Variants in TAFA5 observed in about 807,000 individuals in gnomAD.
The protein encoded by TAFA5 is TAFA chemokine like family member 5, also known as chemokine-like protein TAFA-5.
A neutral mutation model predicts 15.3 loss-of-function variants in TAFA5; 6 were observed. The ratio of observed to expected loss-of-function variants is 0.39; its 90% CI spans 0.21 to 0.77. The LOEUF is 0.77. Ranked by LOEUF, TAFA5 falls within the 30% of genes least tolerant of loss-of-function variation. The pLI, the probability that TAFA5 is intolerant of heterozygous loss-of-function variation, is 0.41. For missense variants in TAFA5, 161 were observed against 193.1 expected, an observed-to-expected ratio of 0.83 and a Z score of 0.98; for synonymous variants, 103 against 80.7, an observed-to-expected ratio of 1.28 and a Z score of -1.48.
chr22:48,585,412 TAC>T (rs765598795), intron 1 of TAFA5, among the ~76,000 whole-genome samples: 1 of 115,038 alleles, frequency 8.7e-6, no homozygotes, highest in Admixed American at 8.8e-5. Context: ...ACACACCACA[TAC>T]ACACACACAA....
Position 48,749,294 on chromosome 22 carries a change from A to T in TAFA5, c.391-545A>T, listed in dbSNP as rs563012503. Among the ~76,000 whole-genome samples, 4 of 152,226 alleles carry T rather than the reference A, an allele frequency of 2.6e-5. No individual in the cohort carries two copies. In the South Asian group the frequency reaches 8.3e-4, roughly 32 times the overall value. ...CTCTTTCAGATCCCCATCCCCCAGT[A>T]TGTGGTCATTTGATTGGGCAGCCAC... On this transcript the variant is annotated intron_variant, in intron 3 of 3. Transcript: ENST00000402357.
At chr22:48,734,703 A>G (rs1462474374) in intron 3 of TAFA5, among the ~76,000 whole-genome samples, 1 of 152,254 alleles carries the variant, frequency 6.6e-6, no homozygotes. Context: ...TTTCTGATCC[A>G]CAGAAGAGGC....
chr22:48,669,837 C>G (rs1034486702), intron 2 of TAFA5, among the ~76,000 whole-genome samples: 2 of 152,264 alleles, frequency 1.3e-5, no homozygotes, highest in African/African-American at 4.8e-5. Flanking sequence ...TTCTGGCCCT[C>G]GCATATGAAG....
At chr22:48,524,647 A>G (rs1289180127) in intron 1 of TAFA5, among the ~76,000 whole-genome samples, 3 of 152,162 alleles carry the variant, frequency 2.0e-5, no homozygotes, top group African/African-American at 4.8e-5. Flanking sequence ...TAGTTCTCAC[A>G]CGCAGGATCC....
rs1041902636 is a variant in TAFA5 at position 48,571,056 on chromosome 22, A to G, written c.113-75541A>G. Reference sequence around the variant, plus strand: ...AGTGTAACCTAGATCAGCTTTTTCTATAAGGGATGGGACTAGTAAACTGAA... The same window carrying G: ...AGTGTAACCTAGATCAGCTTTTTCTGTAAGGGATGGGACTAGTAAACTGAA... On this transcript the variant is annotated intron_variant, in intron 1 of 3. Coordinates refer to ENST00000402357, the MANE Select transcript of TAFA5 (RefSeq NM_001082967.3). 3.9e-5 allele frequency among the ~76,000 whole-genome samples: 6 copies of G among 152,094 alleles called. No individual in the cohort carries two copies. The East Asian group carries it at 7.7e-4, about 20-fold the overall frequency.
At chr22:48,651,303 G>T (rs1490584733) in intron 2 of TAFA5, among the ~76,000 whole-genome samples, 2 of 152,206 alleles carry the variant, frequency 1.3e-5, no homozygotes, top group Non-Finnish European at 2.9e-5. Flanking sequence ...CTGCAGTCAT[G>T]GCACAGCGCA....
At chr22:48,579,764 A>G (rs1923963393) in intron 1 of TAFA5, among the ~76,000 whole-genome samples, 1 of 152,226 alleles carries the variant, frequency 6.6e-6, no homozygotes, top group South Asian at 2.1e-4. Context: ...AGGATAGGAA[A>G]ATACTTCAAA....
intron 1 of TAFA5, among the ~76,000 whole-genome samples, chr22:48,557,307 GCACAGA>G (rs1300150521): frequency 6.6e-6 from 1 of 152,180 alleles, no homozygotes; most frequent in Admixed American, 6.5e-5. Flanking sequence ...ACAAGGACAG[GCACAGA>G]GGGGCCACCC....
intron 1 of TAFA5, among the ~76,000 whole-genome samples, chr22:48,644,898 GC>G (rs939909011): frequency 2.0e-5 from 3 of 152,312 alleles, no homozygotes; most frequent in African/African-American, 7.2e-5. Context: ...GTTGTCCTGA[GC>G]CCCCCAGGCA....
intron 1 of TAFA5, among the ~76,000 whole-genome samples, chr22:48,558,581 G>A (rs12165820): frequency 0.1 from 15,430 of 152,232 alleles, 829 homozygotes; most frequent in Middle Eastern, 0.16. Context: ...CTCAGGAGCC[G>A]TGGTCTGTGG....
At chr22:48,680,709 C>A (rs911420068) in intron 2 of TAFA5, among the ~76,000 whole-genome samples, 2 of 152,244 alleles carry the variant, frequency 1.3e-5, no homozygotes, top group African/African-American at 4.8e-5. Flanking sequence ...AGGATGTGGT[C>A]CTCACCGTGG....
intron 1 of TAFA5, among the ~76,000 whole-genome samples, chr22:48,592,225 C>G (rs1196712701): frequency 6.6e-6 from 1 of 152,210 alleles, no homozygotes; most frequent in South Asian, 2.1e-4. Flanking sequence ...TCCTTTCTTT[C>G]TATGGGCTGC....
At chr22:48,683,380 T>G (rs1019408143) in intron 2 of TAFA5, among the ~76,000 whole-genome samples, 1 of 152,262 alleles carries the variant, frequency 6.6e-6, no homozygotes, top group Admixed American at 6.5e-5. Context: ...TGCTGGGCAC[T>G]GTGCCCTTTC....
At chr22:48,680,583 C>T (rs1928152686) in intron 2 of TAFA5, among the ~76,000 whole-genome samples, 1 of 152,168 alleles carries the variant, frequency 6.6e-6, no homozygotes, top group Admixed American at 6.5e-5. Flanking sequence ...GACCCCAGCA[C>T]TGCTGCTGCC....
intron 1 of TAFA5, among the ~76,000 whole-genome samples, chr22:48,491,467 A>T (rs1489641419): frequency 2.0e-5 from 3 of 152,128 alleles, no homozygotes; most frequent in Non-Finnish European, 4.4e-5. Context: ...CAGGCGGCCC[A>T]TCCCTGGCTG....
intron 3 of TAFA5, among the ~76,000 whole-genome samples, chr22:48,731,388 T>C (rs1929864488): frequency 6.6e-6 from 1 of 152,140 alleles, no homozygotes; most frequent in Non-Finnish European, 1.5e-5. Flanking sequence ...CATTAGACAA[T>C]AGATTTTCAA....
chr22:48,693,738 T>A (rs868595378), intron 2 of TAFA5, among the ~76,000 whole-genome samples: 13 of 152,298 alleles, frequency 8.5e-5, no homozygotes, highest in Middle Eastern at 3.4e-3. Flanking sequence ...GGCCTTGGTT[T>A]CTGAGGGCCT....
chr22:48,675,957 G>A (rs1260626314), intron 2 of TAFA5, among the ~76,000 whole-genome samples: 1 of 152,280 alleles, frequency 6.6e-6, no homozygotes, highest in Non-Finnish European at 1.5e-5. Context: ...CAGGAGCAGA[G>A]AGTTGGCGCC....
chr22:48,662,161 G>C (rs1179304455), intron 2 of TAFA5, among the ~76,000 whole-genome samples: 1 of 152,186 alleles, frequency 6.6e-6, no homozygotes, highest in Non-Finnish European at 1.5e-5. Context: ...CGGCCTGGGT[G>C]GTGAGGATGT....
Sources: allele counts gnomAD v4.1 joint callset (sites outside exome capture counted in the v4.1 genomes callset), GRCh38; gene constraint gnomAD v4.1.1; transcripts MANE v1.5; gene names NCBI Gene and HGNC (gene_info 2026-07-23, HGNC 2026-07-21).